Variants in PDCD6IP observed in about 807,000 individuals in gnomAD.
PDCD6IP encodes programmed cell death 6 interacting protein.
In PDCD6IP, 43 loss-of-function variants were observed where a neutral mutation model predicts 103.7. The observed-to-expected ratio is 0.41, with a 90% confidence interval of 0.32 to 0.53. PDCD6IP has a LOEUF of 0.53. Among genes scored for constraint, PDCD6IP ranks in the 20% least tolerant of loss-of-function variants. The pLI, the probability that PDCD6IP is intolerant of heterozygous loss-of-function variation, is 0.16. For synonymous variants in PDCD6IP, 354 were observed against 378.7 expected, an observed-to-expected ratio of 0.93 and a Z score of 0.76; for missense variants, 871 against 1,036.7, an observed-to-expected ratio of 0.84 and a Z score of 2.20.
At chr3:33,850,132 A>G (rs944892204) in intron 12 of PDCD6IP, among the ~76,000 whole-genome samples, 2 of 152,208 alleles carry the variant, frequency 1.3e-5, no homozygotes, top group Non-Finnish European at 2.9e-5. Flanking sequence ...CAGTCTGCAC[A>G]ACAGTCCTGA....
intron 14 of PDCD6IP, among the ~76,000 whole-genome samples, chr3:33,854,245 G>T (rs116678153): frequency 0.015 from 2,331 of 152,302 alleles, 25 homozygotes; most frequent in South Asian, 0.026. Context: ...CAGAAAAGGG[G>T]TATAAATATT....
intron 14 of PDCD6IP, 123 bp downstream of exon 14, chr3:33,854,136 C>G (rs1697778949): frequency 9.2e-7 from 1 of 1,090,242 alleles, no homozygotes; most frequent in South Asian, 2.0e-5. Flanking sequence ...AGCTTTAATG[C>G]CATTGCTGCT....
intron 6 of PDCD6IP, chr3:33,827,898 T>C (rs997912635): frequency 3.9e-5 from 6 of 152,332 alleles, no homozygotes; most frequent in Admixed American, 2.0e-4. Flanking sequence ...AACTGAAAAG[T>C]CTGCAAGTAG....
chr3:33,820,201 T>C (rs1055865533), intron 3 of PDCD6IP, among the ~76,000 whole-genome samples: 1 of 152,132 alleles, frequency 6.6e-6, no homozygotes, highest in East Asian at 1.9e-4. Context: ...GGAGGATTGA[T>C]TGAGTCCAAG....
At chr3:33,854,949 G>A (rs567019831) in intron 14 of PDCD6IP, 73 of 297,438 alleles carry the variant, frequency 2.5e-4, no homozygotes, top group Non-Finnish European at 2.6e-4. Flanking sequence ...TTATGATAAT[G>A]TTCTGTAAAA....
chr3:33,857,163 A>G (rs1159033646), intron 15 of PDCD6IP, among the ~76,000 whole-genome samples: 1 of 151,536 alleles, frequency 6.6e-6, no homozygotes, highest in Non-Finnish European at 1.5e-5. Flanking sequence ...TGTTTTAAAA[A>G]TGGTTCTAAA....
At chr3:33,851,272 A>T (rs1697707335) in intron 12 of PDCD6IP, among the ~76,000 whole-genome samples, 1 of 150,800 alleles carries the variant, frequency 6.6e-6, no homozygotes, top group Non-Finnish European at 1.5e-5. Flanking sequence ...TATGAGCATC[A>T]TTGGGGCAAG....
intron 17 of PDCD6IP, among the ~76,000 whole-genome samples, chr3:33,866,066 C>T (rs1412598464): frequency 6.6e-6 from 1 of 151,846 alleles, no homozygotes; most frequent in Non-Finnish European, 1.5e-5. Context: ...AATGAAGGGT[C>T]TCCATTTTTT....
chr3:33,800,609 A>T (rs890558513), intron 1 of PDCD6IP, among the ~76,000 whole-genome samples: 1 of 152,210 alleles, frequency 6.6e-6, no homozygotes, highest in Non-Finnish European at 1.5e-5. Flanking sequence ...GTCTAATAGC[A>T]TAAGCATTTT....
intron 3 of PDCD6IP, among the ~76,000 whole-genome samples, chr3:33,813,959 GCAGA>G (rs1348058189): frequency 6.6e-6 from 1 of 152,144 alleles, no homozygotes; most frequent in Non-Finnish European, 1.5e-5. Context: ...CCTTTTGAAA[GCAGA>G]CAATGTTTGA....
chr3:33,844,127 G>C lies in PDCD6IP; in HGVS notation c.1375G>C (p.Asp459His), dbSNP rs764423996. ...CCTTTTAAAGTCATTAAGGTTGTTG[G>C]ATGAAGAAGAAGCAACCGATAATGA... ...EILDESLRLL[D>H]EEEATDNDLR... The change falls in exon 11 of 18, where the codon GAT (aspartate) becomes CAT (histidine). Residue 459 changes from aspartate (D) to histidine (H), a missense_variant. By Grantham distance (81) the Asp-to-His change is moderately conservative (BLOSUM62 -1). This residue lies in a region of PDCD6IP where 266 missense variants were observed against 390.5 expected (regional missense o/e 0.68). Transcript: ENST00000307296. 2.5e-6 allele frequency: 4 copies of C among 1,597,134 alleles called. No individual in the cohort carries two copies. Among genetic ancestry groups the C allele is most frequent in the Non-Finnish European group, 3.4e-6 (4 of 1,174,950 alleles).
At chr3:33,852,211 A>G (rs1336882647) in intron 12 of PDCD6IP, among the ~76,000 whole-genome samples, 1 of 152,232 alleles carries the variant, frequency 6.6e-6, no homozygotes, top group Non-Finnish European at 1.5e-5. Context: ...AATATATGAA[A>G]TTATATTTCT....
chr3:33,802,444 A>G (rs1696496777), intron 1 of PDCD6IP, among the ~76,000 whole-genome samples: 1 of 150,864 alleles, frequency 6.6e-6, no homozygotes, highest in African/African-American at 2.4e-5. Context: ...GCAGTGCTTG[A>G]TCTCCACCTT....
chr3:33,821,330 A>G (rs1290985343), intron 3 of PDCD6IP, among the ~76,000 whole-genome samples: 2 of 152,170 alleles, frequency 1.3e-5, no homozygotes, highest in East Asian at 1.9e-4. Flanking sequence ...GTTCCTGCCA[A>G]CAGTACAGGA....
At chr3:33,818,849 A>G (rs75056846) in intron 3 of PDCD6IP, among the ~76,000 whole-genome samples, 8 of 152,044 alleles carry the variant, frequency 5.3e-5, no homozygotes, top group Non-Finnish European at 1.2e-4. Context: ...AGTGTTACTG[A>G]TGAAAAGTCT....
At chr3:33,827,097 C>T in intron 6 of PDCD6IP, 5 of 985,336 alleles carry the variant, frequency 5.1e-6, no homozygotes, top group Non-Finnish European at 6.0e-6. Context: ...TAATGGACAG[C>T]TAAGGAAAGC....
At position 33,869,346 on chromosome 3, in the gene PDCD6IP, T is replaced by C. The variant is rs969563598; in HGVS notation, c.*2821T>C. 10 of 152,208 alleles carry C rather than the reference T, an allele frequency of 6.6e-5. No homozygotes were observed. Among genetic ancestry groups the C allele is most frequent in the Non-Finnish European group, 1.5e-4 (10 of 68,040 alleles). 9.4% of individuals were successfully genotyped at this position (152,208 alleles called of 1,614,324 possible). A position where few individuals can be genotyped will look rare whatever the true frequency, so the allele number is the denominator to read the frequency against. ...TTTAAAGACGTTTGCAATTATTAGT[T>C]GATTCACAGTACAGAACAAGGTATA... On this transcript the variant is annotated 3_prime_UTR_variant, in exon 18 of 18. Coordinates refer to ENST00000307296, the MANE Select transcript of PDCD6IP (RefSeq NM_013374.6).
At chr3:33,841,816 T>C in intron 9 of PDCD6IP, 81 bp from the exon 10 acceptor site, 3 of 925,610 alleles carry the variant, frequency 3.2e-6, no homozygotes, top group Non-Finnish European at 3.3e-6. Flanking sequence ...GGTTATAGAA[T>C]ACTAAATTAA....
At chr3:33,825,365 GCATGTGAAAAAAA>G (rs752847503) in intron 5 of PDCD6IP, 25 bp downstream of exon 5, 2 of 1,569,332 alleles carry the variant, frequency 1.3e-6, no homozygotes, top group South Asian at 2.4e-5. Context: ...TCTTTTTGTT[GCATGTGAAAAAAA>G]GTGATAAGGC....
Sources: gnomAD v4.1 joint callset for allele counts (sites outside exome capture counted in the v4.1 genomes callset) on GRCh38, gnomAD v4.1.1 for gene constraint, gnomAD v4.1.1 regional missense constraint, MANE v1.5 for transcripts, NCBI Gene and HGNC (gene_info 2026-07-23, HGNC 2026-07-21) for gene names.